The following NIBAN1 variants were observed in gnomAD, a reference collection of about 807,000 sequenced individuals.
NIBAN1 encodes the protein niban apoptosis regulator 1.
Under a neutral mutation model 75.1 loss-of-function variants are expected in NIBAN1, and 81 were observed. The observed-to-expected ratio is 1.08, with a 90% CI of 0.90 to 1.30. The LOEUF (loss-of-function observed/expected upper bound fraction) is 1.30, where lower values mean the gene tolerates loss of function less well. Ranked by LOEUF, NIBAN1 falls within the 50% of genes most tolerant of loss-of-function variation. The pLI, the probability that NIBAN1 is intolerant of heterozygous loss-of-function variation, is 0.00. For missense variants in NIBAN1, 1,133 were observed against 1,128.1 expected (o/e 1.00, Z -0.06); for synonymous variants, 436 against 424.8 (o/e 1.03, Z -0.32).
rs1367210308 is a variant in NIBAN1 at position 184,883,473 on chromosome 1, C to A, written c.601+1160G>T. ...TTAGACTGGCTGCCTTTCCAAGTGC[C>A]AAGAACAAAGAGCGCAGTTATCTGT... On this transcript the variant is annotated intron_variant, in intron 5 of 13. Transcript: ENST00000367511. Among the ~76,000 whole-genome samples the A allele has an allele frequency of 6.6e-5, 10 of 152,188 alleles. No individual in the cohort carries two copies. In the East Asian group the frequency reaches 1.9e-3, roughly 29 times the overall value.
rs573757070 is a variant in NIBAN1 at position 184,895,172 on chromosome 1, A to G, written c.187-966T>C. On this transcript the variant is annotated intron_variant, in intron 2 of 13. Coordinates refer to ENST00000367511, the MANE Select transcript of NIBAN1 (RefSeq NM_052966.4). ...TCCAAATTCCAGTGCTTAATGAGGCAAGATAGGAGACAGATAATGCGGCAG... is the reference window on the plus strand; with the variant it reads ...TCCAAATTCCAGTGCTTAATGAGGCGAGATAGGAGACAGATAATGCGGCAG... Among the ~76,000 whole-genome samples, 21 of 152,308 alleles carry G rather than the reference A, an allele frequency of 1.4e-4. 1 individual carries two copies. Among genetic ancestry groups the G allele is most frequent in the South Asian group, 8.3e-4 (4 of 4,820 alleles).
chr1:184,966,282 A>C (rs1658782971), intron 1 of NIBAN1, among the ~76,000 whole-genome samples: 1 of 152,226 alleles, frequency 6.6e-6, no homozygotes, highest in Non-Finnish European at 1.5e-5. Flanking sequence ...AGAAGCTTCT[A>C]CATGCTTTTA....
intron 1 of NIBAN1, among the ~76,000 whole-genome samples, chr1:184,964,710 G>A (rs978241107): frequency 6.6e-6 from 1 of 152,170 alleles, no homozygotes; most frequent in African/African-American, 2.4e-5. Context: ...GAAGGTTGGC[G>A]GAGAGGAAAG....
At chr1:184,870,884 A>G (rs1262551129) in intron 5 of NIBAN1, among the ~76,000 whole-genome samples, 1 of 152,194 alleles carries the variant, frequency 6.6e-6, no homozygotes, top group African/African-American at 2.4e-5. Flanking sequence ...CCTGTTATAG[A>G]TTGAATTGTA....
At chr1:184,885,677 T>C (rs1440346193) in intron 4 of NIBAN1, among the ~76,000 whole-genome samples, 1 of 152,188 alleles carries the variant, frequency 6.6e-6, no homozygotes, top group Admixed American at 6.5e-5. Flanking sequence ...TTGCTGTTTT[T>C]ATGCCATCAA....
chr1:184,961,466 C>T (rs1470888809), intron 1 of NIBAN1, among the ~76,000 whole-genome samples: 2 of 152,176 alleles, frequency 1.3e-5, no homozygotes, highest in African/African-American at 2.4e-5. Flanking sequence ...TCTATCTCAT[C>T]TCCTTGCCCA....
chr1:184,955,417 C>T (rs1658464042), intron 1 of NIBAN1, among the ~76,000 whole-genome samples: 1 of 148,690 alleles, frequency 6.7e-6, no homozygotes, highest in Non-Finnish European at 1.5e-5. Flanking sequence ...CTGGAGTGTG[C>T]AACCTCTGTC....
chr1:184,877,565 G>C (rs1193559445), intron 5 of NIBAN1, among the ~76,000 whole-genome samples: 1 of 152,094 alleles, frequency 6.6e-6, no homozygotes, highest in East Asian at 1.9e-4. Flanking sequence ...CTTGTTCATG[G>C]TATGGGAAGA....
intron 9 of NIBAN1, among the ~76,000 whole-genome samples, chr1:184,815,983 A>G (rs926415515): frequency 6.6e-6 from 1 of 152,256 alleles, no homozygotes; most frequent in African/African-American, 2.4e-5. Context: ...AAGTTATGCT[A>G]AATAATAAAA....
Position 184,922,236 on chromosome 1 carries a change from C to A in NIBAN1, c.56-22927G>T, listed in dbSNP as rs148822263. Among the ~76,000 whole-genome samples, 563 of 152,228 alleles carry A rather than the reference C, an allele frequency of 3.7e-3. 6 individuals are homozygous for A. Among genetic ancestry groups the A allele is most frequent in the South Asian group, 0.027 (129 of 4,814 alleles). On this transcript the variant is annotated intron_variant, in intron 1 of 13. Coordinates refer to ENST00000367511, the MANE Select transcript of NIBAN1 (RefSeq NM_052966.4). ...CCATCACATCAAGCATTTATCCTTT[C>A]TTTGTGTTACAAACAATCCATTTAT...
At chr1:184,961,587 T>C (rs530895477) in intron 1 of NIBAN1, among the ~76,000 whole-genome samples, 2 of 152,340 alleles carry the variant, frequency 1.3e-5, no homozygotes, top group East Asian at 1.9e-4. Flanking sequence ...TCCTTCTTGC[T>C]AAACTGAACC....
At position 184,813,530 on chromosome 1, in the gene NIBAN1, C is replaced by T. The variant is rs572425815; in HGVS notation, c.1173+5108G>A. Among the ~76,000 whole-genome samples the T allele has an allele frequency of 3.3e-5, 5 of 152,158 alleles. No homozygotes were observed. In the East Asian group the frequency reaches 5.8e-4, roughly 18 times the overall value. ...GGATATATGGAATTAACCATGCCCC[C>T]TAGCTATATAAAGAAGGTTATAAAG... On this transcript the variant is annotated intron_variant, in intron 9 of 13. Coordinates refer to ENST00000367511, the MANE Select transcript of NIBAN1 (RefSeq NM_052966.4).
At chr1:184,910,434 A>G (rs565105920) in intron 1 of NIBAN1, among the ~76,000 whole-genome samples, 1 of 152,316 alleles carries the variant, frequency 6.6e-6, no homozygotes, top group South Asian at 2.1e-4. Flanking sequence ...TAATTGATCC[A>G]AGGTCACAAA....
intron 5 of NIBAN1, among the ~76,000 whole-genome samples, chr1:184,845,361 A>G (rs561913907): frequency 6.6e-6 from 1 of 152,390 alleles, no homozygotes; most frequent in African/African-American, 2.4e-5. Flanking sequence ...TACTGAATGG[A>G]ATATTATGCA....
At chr1:184,957,193 C>T (rs906019006) in intron 1 of NIBAN1, among the ~76,000 whole-genome samples, 10 of 152,252 alleles carry the variant, frequency 6.6e-5, no homozygotes, top group African/African-American at 2.2e-4. Flanking sequence ...GCTCCTAGCA[C>T]AGCACTGGGG....
In NIBAN1 at chr1:184,932,934, C is replaced by T. The variant is rs116345042; in HGVS notation, c.56-33625G>A. On this transcript the variant is annotated intron_variant, in intron 1 of 13. Coordinates refer to ENST00000367511, the MANE Select transcript of NIBAN1 (RefSeq NM_052966.4). ...ACCCTTCTGACAAAAAAGAGAAACA[C>T]GACAGATGGCAATTATAATGGTAAA... 1.1e-3 allele frequency among the ~76,000 whole-genome samples: 172 copies of T among 152,148 alleles called. 2 individuals carry two copies. Among genetic ancestry groups the T allele is most frequent in the Non-Finnish European group, 2.0e-3 (136 of 67,990 alleles).
intron 6 of NIBAN1, among the ~76,000 whole-genome samples, chr1:184,829,243 G>A (rs1317166096): frequency 6.6e-6 from 1 of 152,008 alleles, no homozygotes; most frequent in African/African-American, 2.4e-5. Flanking sequence ...TTGCACAAAT[G>A]CTTTACAATC....
chr1:184,944,735 T>C (rs550474342), intron 1 of NIBAN1, among the ~76,000 whole-genome samples: 2 of 152,328 alleles, frequency 1.3e-5, no homozygotes, highest in South Asian at 4.1e-4. Flanking sequence ...GCCATGAGAT[T>C]CCTACAGAAA....
intron 9 of NIBAN1, among the ~76,000 whole-genome samples, chr1:184,808,657 T>G (rs980661589): frequency 1.3e-5 from 2 of 152,182 alleles, no homozygotes; most frequent in African/African-American, 4.8e-5. Context: ...GAGGTCAGGA[T>G]GCTCCCTGGA....
Sources: allele counts gnomAD v4.1 joint callset (sites outside exome capture counted in the v4.1 genomes callset), GRCh38; gene constraint gnomAD v4.1.1; transcripts MANE v1.5; gene names NCBI Gene and HGNC (gene_info 2026-07-23, HGNC 2026-07-21).